The following CALD1 variants were observed in gnomAD, a reference collection of about 807,000 sequenced individuals.
The protein encoded by CALD1 is caldesmon 1.
A neutral mutation model predicts 99.9 loss-of-function variants in CALD1; 33 were observed. That is an observed-to-expected ratio of 0.33 (90% CI 0.25 to 0.44). The LOEUF is 0.44. Ranked by LOEUF, CALD1 falls within the 20% of genes least tolerant of loss-of-function variation. CALD1 has a pLI of 1.00. For missense variants in CALD1, 861 were observed against 962.1 expected, an observed-to-expected ratio of 0.89 and a Z score of 1.39; for synonymous variants, 310 against 325.0, an observed-to-expected ratio of 0.95 and a Z score of 0.50.
chr7:134,727,753 C>G, the CALD1 span, among the ~76,000 whole-genome samples: 1 of 152,188 alleles, frequency 6.6e-6, no homozygotes, highest in African/African-American at 2.4e-5. Flanking sequence ...GCTATCATCT[C>G]TCTCCTGACT....
intron 3 of CALD1, among the ~76,000 whole-genome samples, chr7:134,870,708 T>C (rs1801030923): frequency 6.6e-6 from 1 of 151,866 alleles, no homozygotes; most frequent in Admixed American, 6.6e-5. Context: ...CTTTCTTGCT[T>C]CCATTCATTT....
intron 3 of CALD1, among the ~76,000 whole-genome samples, chr7:134,878,531 T>G (rs184124073): frequency 1.3e-5 from 2 of 152,148 alleles, no homozygotes; most frequent in South Asian, 4.2e-4. Flanking sequence ...ATCGCACCAC[T>G]GCATTCCAGC....
chr7:134,787,177 A>C (rs963352945), intron 1 of CALD1, among the ~76,000 whole-genome samples: 6 of 152,218 alleles, frequency 3.9e-5, no homozygotes, highest in African/African-American at 1.4e-4. Flanking sequence ...CCAGAAGAGC[A>C]AAACCTTTAG....
At chr7:134,873,128 A>C (rs773701581) in intron 3 of CALD1, among the ~76,000 whole-genome samples, 3 of 152,152 alleles carry the variant, frequency 2.0e-5, no homozygotes, top group Non-Finnish European at 2.9e-5. Context: ...CAGAGGTTGC[A>C]GTGAGCCACG....
At position 134,769,328 on chromosome 7, in the gene CALD1, C is replaced by G. The variant is rs142472731; in HGVS notation, c.-130+24965C>G. 2.9e-3 allele frequency among the ~76,000 whole-genome samples: 438 copies of G among 152,232 alleles called. 2 individuals carry two copies. The highest frequency in any genetic ancestry group is 3.8e-3 in the Non-Finnish European group (256 of 68,018). On this transcript the variant is annotated intron_variant, in intron 1 of 13. Coordinates refer to the CALD1 transcript ENST00000417172. ...CATACTGAAAGTCACTAGATATTGT[C>G]AAATCACTCAACAAAGTGAATGCAC...
chr7:134,900,927 C>A (rs1415420982), intron 3 of CALD1, among the ~76,000 whole-genome samples: 1 of 152,008 alleles, frequency 6.6e-6, no homozygotes, highest in Non-Finnish European at 1.5e-5. Context: ...TTGTGATTGG[C>A]ATGCATTTAT....
At chr7:134,836,537 T>C (rs1172981201) in intron 1 of CALD1, among the ~76,000 whole-genome samples, 1 of 152,000 alleles carries the variant, frequency 6.6e-6, no homozygotes, top group Non-Finnish European at 1.5e-5. Context: ...CTTTGGACTT[T>C]TTATTATCTA....
the CALD1 span, among the ~76,000 whole-genome samples, chr7:134,717,701 C>G: frequency 6.6e-6 from 1 of 152,166 alleles, no homozygotes; most frequent in African/African-American, 2.4e-5. Flanking sequence ...CCTGCCAGCT[C>G]CACTTGAAAG....
At chr7:134,765,066 C>G (rs1796813618) in intron 1 of CALD1, among the ~76,000 whole-genome samples, 1 of 152,134 alleles carries the variant, frequency 6.6e-6, no homozygotes, top group Non-Finnish European at 1.5e-5. Context: ...CCTCTGATCC[C>G]AGTATTTTGG....
At chr7:134,924,914 G>A (rs6950114) in intron 3 of CALD1, among the ~76,000 whole-genome samples, 2,261 of 152,142 alleles carry the variant, frequency 0.015, 46 homozygotes, top group African/African-American at 0.052. Context: ...CCTTCACTTG[G>A]CGCTTCTTCC....
chr7:134,963,787 G>A (rs1195917965), intron 13 of CALD1, among the ~76,000 whole-genome samples: 3 of 152,124 alleles, frequency 2.0e-5, no homozygotes, highest in Admixed American at 2.0e-4. Flanking sequence ...CTTCTCGCAT[G>A]GGTTCAATTT....
intron 3 of CALD1, among the ~76,000 whole-genome samples, chr7:134,887,410 T>G (rs1801907045): frequency 6.6e-6 from 1 of 152,178 alleles, no homozygotes; most frequent in African/African-American, 2.4e-5. Flanking sequence ...AGGCAAGATT[T>G]TTTGCCTAGT....
chr7:134,860,866 G>T (rs1326694818), intron 2 of CALD1, among the ~76,000 whole-genome samples: 2 of 152,144 alleles, frequency 1.3e-5, no homozygotes, highest in African/African-American at 4.8e-5. Flanking sequence ...TGAAATTCAT[G>T]ATTGAATAAA....
At chr7:134,839,795 T>G (rs1262798270) in intron 1 of CALD1, among the ~76,000 whole-genome samples, 1 of 152,156 alleles carries the variant, frequency 6.6e-6, no homozygotes, top group Non-Finnish European at 1.5e-5. Context: ...GCTCAAGAGA[T>G]CCTCCCACCT....
At chr7:134,952,791 A>G (rs6976629) in intron 9 of CALD1, among the ~76,000 whole-genome samples, 95,399 of 152,044 alleles carry the variant, frequency 0.63, 30,485 homozygotes, top group African/African-American at 0.74. Flanking sequence ...ATGATGGTCT[A>G]GGTCCCAGTC....
At chr7:134,907,497 C>G (rs1346559768) in intron 3 of CALD1, among the ~76,000 whole-genome samples, 11 of 151,998 alleles carry the variant, frequency 7.2e-5, no homozygotes, top group Admixed American at 5.2e-4. Flanking sequence ...ATAGACCAAC[C>G]AAGCCCAACC....
chr7:134,806,712 C>T (rs1248522466), intron 1 of CALD1, among the ~76,000 whole-genome samples: 2 of 152,108 alleles, frequency 1.3e-5, no homozygotes, highest in African/African-American at 4.8e-5. Context: ...TATAGTGCCT[C>T]GGTTTGCTTG....
At position 134,857,446 on chromosome 7, in the gene CALD1, C is replaced by T. The variant is rs1468190404; in HGVS notation, c.-41-10247C>T. ...TGCTGGGATTACAAGCGTGAGCCAC[C>T]GCGCCCGGCCAGTTTTGTGCTATTC... is the stretch of plus-strand genomic sequence containing the variant. On this transcript the variant is annotated intron_variant, in intron 2 of 14. Transcript: ENST00000361675. 4.6e-5 allele frequency among the ~76,000 whole-genome samples: 7 copies of T among 151,928 alleles called. No homozygotes were observed. The South Asian group carries it at 1.0e-3, about 23-fold the overall frequency.
intron 1 of CALD1, among the ~76,000 whole-genome samples, chr7:134,764,236 C>T (rs528185697): frequency 7.9e-5 from 12 of 152,246 alleles, no homozygotes; most frequent in Admixed American, 3.3e-4. Flanking sequence ...CCACACTCAC[C>T]GTTCCCCAGG....
Sources: allele counts gnomAD v4.1 joint callset (sites outside exome capture counted in the v4.1 genomes callset), GRCh38; gene constraint gnomAD v4.1.1; transcripts MANE v1.5; gene names NCBI Gene and HGNC (gene_info 2026-07-23, HGNC 2026-07-21).